Variants in NSFL1C observed in about 807,000 individuals in gnomAD.
The protein encoded by NSFL1C is NSFL1 cofactor, also known as NSFL1 cofactor p47.
A neutral mutation model predicts 43.1 loss-of-function variants in NSFL1C; 14 were observed. The ratio of observed to expected loss-of-function variants is 0.32; its 90% CI spans 0.21 to 0.51. The LOEUF (loss-of-function observed/expected upper bound fraction) is 0.51. NSFL1C is among the 20% of genes least tolerant of loss of function. NSFL1C has a pLI of 0.98. For missense variants in NSFL1C, 406 were observed against 472.5 expected (o/e 0.86, Z 1.30); for synonymous variants, 171 against 183.5 (o/e 0.93, Z 0.55).
intron 6 of NSFL1C, 22 bp downstream of exon 6, chr20:1,453,009 A>T: frequency 7.5e-7 from 1 of 1,338,680 alleles, no homozygotes; most frequent in Non-Finnish European, 1.1e-6. Context: ...TTTGGGACCT[A>T]CAGGAGGGCT....
chr20:1,463,658 A>C (rs543198620), intron 2 of NSFL1C, among the ~76,000 whole-genome samples: 1 of 152,340 alleles, frequency 6.6e-6, no homozygotes, highest in East Asian at 1.9e-4. Flanking sequence ...AGAAGCAATA[A>C]GGCGAAAGCA....
chr20:1,462,525 GC>G (rs1211810149), intron 2 of NSFL1C, among the ~76,000 whole-genome samples: 1 of 146,608 alleles, frequency 6.8e-6, no homozygotes, highest in Non-Finnish European at 1.5e-5. Context: ...TTACTTTTAT[GC>G]CTTTTTTTTT....
intron 8 of NSFL1C, 100 bp downstream of exon 8, chr20:1,445,566 G>T: frequency 1.5e-6 from 2 of 1,359,864 alleles, no homozygotes; most frequent in Non-Finnish European, 2.1e-6. Flanking sequence ...TGGAGTGCCT[G>T]CTGGTATTTA....
chr20:1,451,239 G>C lies in NSFL1C; in HGVS notation c.785+1254C>G, dbSNP rs567929450. 9.8e-5 allele frequency among the ~76,000 whole-genome samples: 15 copies of C among 152,312 alleles called. No homozygotes were observed. In the South Asian group the frequency reaches 3.1e-3, roughly 32 times the overall value. On this transcript the variant is annotated intron_variant, in intron 7 of 8. Transcript: ENST00000216879. Reference sequence around the variant, plus strand: ...GGGATGACTTAACTACTTTGGGCCAGGTAAATCTAATACCCTGAACTCTGA... The same window carrying C: ...GGGATGACTTAACTACTTTGGGCCACGTAAATCTAATACCCTGAACTCTGA...
In NSFL1C at chr20:1,466,847, A is replaced by G. The variant is rs1246900656; in HGVS notation, c.-23T>C. On this transcript the variant is annotated 5_prime_UTR_variant, in exon 1 of 9. Coordinates refer to ENST00000216879, the MANE Select transcript of NSFL1C (RefSeq NM_016143.5). ...CATCTTCGCCCCGTGCGCCTTCCAA[A>G]GCGCTCCGGCGGCCGCCGCACAGGC... 5.3e-6 allele frequency: 8 copies of G among 1,515,708 alleles called. No individual in the cohort carries two copies. The highest frequency in any genetic ancestry group is 2.0e-5 in the Admixed American group (1 of 49,076). The allele number at this position is 1,515,708 out of a possible 1,614,324, so 93.9% of individuals were successfully genotyped here.
rs144417160 is a variant in NSFL1C at position 1,457,894 on chromosome 20, T to C, written c.278+306A>G. On this transcript the variant is annotated intron_variant, in intron 3 of 8. Coordinates refer to ENST00000216879, the MANE Select transcript of NSFL1C (RefSeq NM_016143.5). The stretch of plus-strand genomic sequence containing the variant: ...GAGCACCGCAATGAGCACGGGAACG[T>C]AGACACCTCTTTACAAACTGATTTC... 1.7e-3 allele frequency: 525 copies of C among 303,250 alleles called. 3 individuals carry two copies. Among genetic ancestry groups the C allele is most frequent in the African/African-American group, 0.011 (506 of 46,620 alleles). 18.8% of individuals were successfully genotyped at this position (303,250 alleles called of 1,614,324 possible).
chr20:1,454,893 C>A, intron 4 of NSFL1C, 74 bp downstream of exon 4: 1 of 1,486,902 alleles, frequency 6.7e-7, no homozygotes, highest in South Asian at 1.2e-5. Flanking sequence ...CAGTCACTAC[C>A]GGGGTGAAGA....
At chr20:1,465,901 T>C (rs2090499511) in intron 1 of NSFL1C, among the ~76,000 whole-genome samples, 1 of 152,156 alleles carries the variant, frequency 6.6e-6, no homozygotes, top group Non-Finnish European at 1.5e-5. Flanking sequence ...AATGCGAAGG[T>C]TAAATGACAA....
At chr20:1,464,251 C>G in intron 2 of NSFL1C, 78 bp downstream of exon 2, 3 of 1,298,014 alleles carry the variant, frequency 2.3e-6, no homozygotes, top group Non-Finnish European at 3.4e-6. Flanking sequence ...ACACCCAGGC[C>G]TGAACGCTCT....
intron 7 of NSFL1C, among the ~76,000 whole-genome samples, chr20:1,447,928 G>A (rs1023620512): frequency 3.9e-5 from 6 of 152,100 alleles, no homozygotes; most frequent in Non-Finnish European, 7.4e-5. Flanking sequence ...CACACGCTAT[G>A]GATCATTTTT....
chr20:1,466,613 G>A, intron 1 of NSFL1C, 107 bp downstream of exon 1: 2 of 1,094,092 alleles, frequency 1.8e-6, no homozygotes, highest in Non-Finnish European at 2.6e-6. Context: ...TCGGGCCGCG[G>A]TAGAGCGGGG....
chr20:1,454,403 G>A, intron 4 of NSFL1C, 98 bp from the exon 5 acceptor site: 2 of 853,634 alleles, frequency 2.3e-6, no homozygotes. Context: ...GAGGAAGAAA[G>A]AGGACAGGGT....
chr20:1,453,312 T>C (rs2090223480), intron 5 of NSFL1C, among the ~76,000 whole-genome samples, 172 bp from the exon 6 acceptor site: 1 of 152,224 alleles, frequency 6.6e-6, no homozygotes, highest in Non-Finnish European at 1.5e-5. Flanking sequence ...TAAATAAGCA[T>C]TAACCTAGAA....
At chr20:1,454,922 T>C (rs1174850897) in intron 4 of NSFL1C, 45 bp downstream of exon 4, 2 of 1,585,168 alleles carry the variant, frequency 1.3e-6, no homozygotes, top group East Asian at 2.3e-5. Flanking sequence ...TTCCCAGTTC[T>C]GGAATCTCAG....
chr20:1,463,922 A>G (rs986487280), intron 2 of NSFL1C: 7 of 170,924 alleles, frequency 4.1e-5, no homozygotes, highest in African/African-American at 1.7e-4. Context: ...TTTATTTTGT[A>G]CAAGACTTCT....
At position 1,443,567 on chromosome 20, in the gene NSFL1C, C is replaced by G. The variant is rs565469528; in HGVS notation, c.*182G>C. 1 of 524,832 alleles carries G rather than the reference C, an allele frequency of 1.9e-6. No individual in the cohort carries two copies. Among genetic ancestry groups the G allele is most frequent in the African/African-American group, 1.9e-5 (1 of 52,898 alleles). The allele number at this position is 524,832 out of a possible 1,614,324, so 32.5% of individuals were successfully genotyped here. A position where few individuals can be genotyped will look rare whatever the true frequency, so the allele number is the denominator to read the frequency against. On this transcript the variant is annotated 3_prime_UTR_variant, in exon 9 of 9. Coordinates refer to ENST00000216879, the MANE Select transcript of NSFL1C (RefSeq NM_016143.5). Reference sequence around the variant, plus strand: ...TAAAGTCCATTGATCATCACAAAAACCCAGGAAATGCAACTAAGGAGAAAA... The same window carrying G: ...TAAAGTCCATTGATCATCACAAAAAGCCAGGAAATGCAACTAAGGAGAAAA...
intron 8 of NSFL1C, among the ~76,000 whole-genome samples, chr20:1,445,259 G>A (rs1339537214): frequency 6.6e-6 from 1 of 152,210 alleles, no homozygotes; most frequent in Non-Finnish European, 1.5e-5. Flanking sequence ...CCCTTGTGGG[G>A]AGGGAGGTGG....
At chr20:1,446,980 G>C (rs2090072786) in intron 7 of NSFL1C, among the ~76,000 whole-genome samples, 1 of 152,204 alleles carries the variant, frequency 6.6e-6, no homozygotes. Context: ...TATTACACTA[G>C]CAGCTTCAGA....
Position 1,453,208 on chromosome 20 carries a change from G to T in NSFL1C, c.538-68C>A, listed in dbSNP as rs141600234. On this transcript the variant is annotated intron_variant, in intron 5 of 8. Transcript: ENST00000216879. ...CATACCAATTTGAACTTGCAAATTAGCAGGTTTTTACTATTTCTCAGTGTT... is the reference window on the plus strand; with the variant it reads ...CATACCAATTTGAACTTGCAAATTATCAGGTTTTTACTATTTCTCAGTGTT... The T allele has an allele frequency of 1.9e-3, 1,714 of 893,734 alleles. 1 individual carries two copies. Among genetic ancestry groups the T allele is most frequent in the Non-Finnish European group, 2.8e-3 (1,499 of 531,760 alleles). The allele number at this position is 893,734 out of a possible 1,614,324, so 55.4% of individuals were successfully genotyped here.
Sources: allele counts gnomAD v4.1 joint callset (sites outside exome capture counted in the v4.1 genomes callset), GRCh38; gene constraint gnomAD v4.1.1; transcripts MANE v1.5; gene names NCBI Gene and HGNC (gene_info 2026-07-23, HGNC 2026-07-21).